SCAPER: variants seen among roughly 807,000 people sequenced by gnomAD.
SCAPER encodes the protein S phase cyclin A-associated protein in the endoplasmic reticulum.
SCAPER carries 98 observed loss-of-function variants against 182.2 expected under a neutral mutation model. The ratio of observed to expected loss-of-function variants is 0.54; its 90% CI spans 0.46 to 0.64. The LOEUF is 0.64. SCAPER is among the 30% of genes least tolerant of loss of function. SCAPER has a pLI of 0.00. For missense variants in SCAPER, 1,432 were observed against 1,690.0 expected (o/e 0.85, Z 2.68); for synonymous variants, 605 against 564.6 (o/e 1.07, Z -1.01).
At chr15:76,565,052 G>A (rs1410203438) in intron 23 of SCAPER, among the ~76,000 whole-genome samples, 5 of 151,920 alleles carry the variant, frequency 3.3e-5, no homozygotes, top group Non-Finnish European at 5.9e-5. Flanking sequence ...TGTAAAATCC[G>A]AAACTAAAAA....
intron 21 of SCAPER, among the ~76,000 whole-genome samples, chr15:76,640,483 C>T (rs2054012128): frequency 6.6e-6 from 1 of 152,212 alleles, no homozygotes. Context: ...CACTTAACTG[C>T]TTACCTGGTG....
At chr15:76,896,416 A>C (rs555335774) in intron 1 of SCAPER, among the ~76,000 whole-genome samples, 1 of 152,166 alleles carries the variant, frequency 6.6e-6, no homozygotes. Context: ...TAGGAATATA[A>C]ATCTAACCAA....
chr15:76,573,556 T>C (rs2047600297), intron 23 of SCAPER, among the ~76,000 whole-genome samples: 1 of 152,124 alleles, frequency 6.6e-6, no homozygotes, highest in Non-Finnish European at 1.5e-5. Context: ...ATAAAGTATT[T>C]ATGATAAAAT....
intron 5 of SCAPER, among the ~76,000 whole-genome samples, chr15:76,820,597 G>A (rs1394512552): frequency 1.5e-5 from 2 of 131,648 alleles, no homozygotes; most frequent in African/African-American, 5.8e-5. Flanking sequence ...TGTGGGTTGG[G>A]GGGAGGGGGG....
At chr15:76,496,902 G>C (rs1021839712) in intron 24 of SCAPER, among the ~76,000 whole-genome samples, 8 of 151,976 alleles carry the variant, frequency 5.3e-5, no homozygotes, top group Non-Finnish European at 1.5e-5. Flanking sequence ...AAAGTATCAG[G>C]TTCATTTGGC....
intron 20 of SCAPER, among the ~76,000 whole-genome samples, chr15:76,685,815 G>A (rs942552455): frequency 1.3e-5 from 2 of 152,020 alleles, no homozygotes; most frequent in African/African-American, 2.4e-5. Flanking sequence ...GCAGACAAAC[G>A]AGGATAGGGA....
At chr15:76,789,780 C>T (rs564846377) in intron 8 of SCAPER, among the ~76,000 whole-genome samples, 2 of 152,220 alleles carry the variant, frequency 1.3e-5, no homozygotes, top group Admixed American at 1.3e-4. Flanking sequence ...TACACTTGTA[C>T]AATTTTTAAA....
intron 23 of SCAPER, among the ~76,000 whole-genome samples, chr15:76,551,846 A>G (rs931890999): frequency 1.3e-5 from 2 of 152,136 alleles, no homozygotes; most frequent in African/African-American, 4.8e-5. Flanking sequence ...TCAATTATAT[A>G]TAAAATACAA....
intron 27 of SCAPER, among the ~76,000 whole-genome samples, chr15:76,403,927 G>A (rs1264008326): frequency 6.6e-6 from 1 of 152,084 alleles, no homozygotes; most frequent in Non-Finnish European, 1.5e-5. Flanking sequence ...GGGTAGGATG[G>A]AGTAGGATGG....
intron 2 of SCAPER, among the ~76,000 whole-genome samples, chr15:76,876,525 C>T (rs773324914): frequency 5.3e-5 from 8 of 150,178 alleles, no homozygotes; most frequent in Non-Finnish European, 1.0e-4. Context: ...GATATGAGAA[C>T]ACCACCAAGT....
At chr15:76,433,800 GAAAAAGAACTTATTTTT>G (rs1265714655) in intron 26 of SCAPER, among the ~76,000 whole-genome samples, 1 of 152,076 alleles carries the variant, frequency 6.6e-6, no homozygotes, top group Non-Finnish European at 1.5e-5. Flanking sequence ...TCATAATTAG[GAAAAAGAACTTATTTTT>G]AAAAGGTGGG....
intron 22 of SCAPER, among the ~76,000 whole-genome samples, chr15:76,613,129 CT>C (rs1044479626): frequency 1.6e-4 from 25 of 152,304 alleles, no homozygotes; most frequent in Admixed American, 3.3e-4. Context: ...ACACTTACAA[CT>C]ATCTGATCTT....
intron 22 of SCAPER, among the ~76,000 whole-genome samples, chr15:76,608,610 C>T (rs540981005): frequency 6.6e-6 from 1 of 152,268 alleles, no homozygotes; most frequent in East Asian, 1.9e-4. Context: ...TGCCCTGCCC[C>T]CAGAGGTGGA....
chr15:76,781,693 G>A (rs927128793), intron 8 of SCAPER, among the ~76,000 whole-genome samples: 12 of 152,268 alleles, frequency 7.9e-5, no homozygotes, highest in South Asian at 4.2e-4. Flanking sequence ...TGGATCTCTC[G>A]ACAGAAACCC....
rs1439808486 is a variant in SCAPER at position 76,386,551 on chromosome 15, TGAA to T, written c.3468-4939_3468-4937del. ...AGGAGCAAGGGACATGGCTAGGAAA[TGAA>T]GAAGTAGGAATGTGTGTGAAGCTAC... On this transcript the variant is annotated intron_variant, in intron 27 of 31. Coordinates refer to ENST00000563290, the MANE Select transcript of SCAPER (RefSeq NM_020843.4). Among the ~76,000 whole-genome samples, 4 of 152,216 alleles carry T rather than the reference TGAA, an allele frequency of 2.6e-5. No homozygotes were observed. In the East Asian group the frequency reaches 7.7e-4, roughly 29 times the overall value.
intron 26 of SCAPER, among the ~76,000 whole-genome samples, chr15:76,429,060 A>G (rs1387227216): frequency 6.6e-6 from 1 of 151,610 alleles, no homozygotes; most frequent in African/African-American, 2.4e-5. Flanking sequence ...ATAGAGAATA[A>G]GTCTCACGAG....
chr15:76,389,610 G>A (rs968085368), intron 27 of SCAPER, among the ~76,000 whole-genome samples: 1 of 148,770 alleles, frequency 6.7e-6, no homozygotes, highest in Non-Finnish European at 1.5e-5. Flanking sequence ...TCAGGTGATC[G>A]AGACCATCCT....
intron 20 of SCAPER, among the ~76,000 whole-genome samples, chr15:76,667,637 A>C (rs1014970464): frequency 1.4e-4 from 4 of 28,846 alleles, no homozygotes; most frequent in East Asian, 2.7e-3. Flanking sequence ...AAAAAAAAAA[A>C]AAAAAAAAAA....
intron 1 of SCAPER, among the ~76,000 whole-genome samples, chr15:76,889,348 C>T (rs1266158280): frequency 6.6e-6 from 1 of 152,156 alleles, no homozygotes; most frequent in Non-Finnish European, 1.5e-5. Context: ...TGTAAATGGG[C>T]TAAATGCCCC....
Sources: allele counts gnomAD v4.1 joint callset (sites outside exome capture counted in the v4.1 genomes callset), GRCh38; gene constraint gnomAD v4.1.1; transcripts MANE v1.5; gene names NCBI Gene and HGNC (gene_info 2026-07-23, HGNC 2026-07-21).